The following POC1A variants were observed in gnomAD, a reference collection of about 807,000 sequenced individuals.
The protein encoded by POC1A is POC1 centriolar protein homolog A.
Under a neutral mutation model 47.8 loss-of-function variants are expected in POC1A, and 34 were observed. That is an observed-to-expected ratio of 0.71 (90% CI 0.54 to 0.95). The LOEUF is 0.95. POC1A is among the 40% of genes least tolerant of loss of function. The probability of loss-of-function intolerance (pLI) is 0.00; values close to 1 mark genes in which losing one functional copy is unlikely to be tolerated. For missense variants in POC1A, 466 were observed against 528.3 expected, an observed-to-expected ratio of 0.88 and a Z score of 1.16; for synonymous variants, 177 against 207.6, an observed-to-expected ratio of 0.85 and a Z score of 1.27.
At chr3:52,118,858 C>T (rs536436398) in intron 9 of POC1A, among the ~76,000 whole-genome samples, 2 of 152,306 alleles carry the variant, frequency 1.3e-5, no homozygotes, top group African/African-American at 4.8e-5. Flanking sequence ...TGCCCATGAG[C>T]TCTTTGAGAA....
chr3:52,105,551 C>T (rs570128317), intron 9 of POC1A, among the ~76,000 whole-genome samples: 2 of 152,180 alleles, frequency 1.3e-5, no homozygotes, highest in African/African-American at 4.8e-5. Flanking sequence ...AGGAAAGGCA[C>T]GGGCGTTTTC....
chr3:52,144,578 C>G (rs376941328), intron 6 of POC1A, among the ~76,000 whole-genome samples: 1 of 152,186 alleles, frequency 6.6e-6, no homozygotes, highest in South Asian at 2.1e-4. Context: ...CTCCTTCCCC[C>G]CATTTTGTGC....
intron 6 of POC1A, among the ~76,000 whole-genome samples, chr3:52,142,385 G>T (rs1473046722): frequency 6.6e-6 from 1 of 152,226 alleles, no homozygotes; most frequent in Non-Finnish European, 1.5e-5. Flanking sequence ...TGCAGTGATA[G>T]GCCAGAGCCA....
chr3:52,136,910 G>A (rs7652984), intron 7 of POC1A, among the ~76,000 whole-genome samples: 1,997 of 152,338 alleles, frequency 0.013, 38 homozygotes, highest in African/African-American at 0.042. Context: ...ATAGGCATCT[G>A]TTTCAAACTG....
At position 52,079,720 on chromosome 3, in the gene POC1A, G is replaced by A. The variant is rs903414498; in HGVS notation, c.1126-3735C>T. 6.6e-6 allele frequency among the ~76,000 whole-genome samples: 1 copy of A among 152,228 alleles called. No individual in the cohort carries two copies. Among genetic ancestry groups the A allele is most frequent in the Non-Finnish European group, 1.5e-5 (1 of 68,044 alleles). On this transcript the variant is annotated intron_variant, in intron 10 of 10. Coordinates refer to ENST00000296484, the MANE Select transcript of POC1A (RefSeq NM_015426.5). The surrounding 1 kb of genome is among the most constrained non-coding windows in gnomAD (Gnocchi z 4.6). ...CTTTGGGGCAGGGTAAAGGGAAACTGACGAAGGGGTTGAGGAGTCCAGGGC... is the reference window on the plus strand; with the variant it reads ...CTTTGGGGCAGGGTAAAGGGAAACTAACGAAGGGGTTGAGGAGTCCAGGGC...
chr3:52,122,103 C>T (rs982520290), intron 9 of POC1A, among the ~76,000 whole-genome samples: 2 of 152,208 alleles, frequency 1.3e-5, no homozygotes, highest in Non-Finnish European at 2.9e-5. Context: ...CAAACAGCAC[C>T]ATATGCCATG....
intron 7 of POC1A, among the ~76,000 whole-genome samples, chr3:52,126,402 G>A (rs905976263): frequency 5.3e-5 from 8 of 152,220 alleles, no homozygotes; most frequent in African/African-American, 1.7e-4. Flanking sequence ...GGACAGCAGG[G>A]AGTATGCCCA....
Position 52,149,959 on chromosome 3 carries a change from CA to C in POC1A, c.131del (p.Met44ArgfsTer5). 2 of 1,613,640 alleles carry C rather than the reference CA, an allele frequency of 1.2e-6. No individual in the cohort carries two copies. Among genetic ancestry groups the C allele is most frequent in the African/African-American group, 2.7e-5 (2 of 75,042 alleles). On this transcript the variant is annotated frameshift_variant, in exon 3 of 11. Transcript: ENST00000296484. LOFTEE classifies it high-confidence loss of function. Reference sequence around the variant, plus strand: ...GTGACTGCGGCTTCATGTGCCAGACCATGAGGCATGAGTCCATGGAGCCACT... The same window carrying C: ...GTGACTGCGGCTTCATGTGCCAGACCTGAGGCATGAGTCCATGGAGCCACT... ...LASGSMDSCL[M>X]VWHMKPQSRA...
intron 9 of POC1A, among the ~76,000 whole-genome samples, chr3:52,096,988 G>A (rs1702839408): frequency 6.6e-6 from 1 of 152,242 alleles, no homozygotes. Flanking sequence ...AGGCAGGCCA[G>A]TGAGTGGCCT....
At chr3:52,078,503 C>CT (rs531817608) in intron 10 of POC1A, among the ~76,000 whole-genome samples, 1,317 of 113,476 alleles carry the variant, frequency 0.012, 22 homozygotes, top group African/African-American at 0.026. Flanking sequence ...ATGGAAATCT[C>CT]TTTTTTTTTT....
chr3:52,090,625 T>C lies in POC1A; in HGVS notation c.1125+5944A>G, dbSNP rs1180299092. Among the ~76,000 whole-genome samples the C allele has an allele frequency of 6.6e-6, 1 of 152,106 alleles. No individual in the cohort carries two copies. Among genetic ancestry groups the C allele is most frequent in the Non-Finnish European group, 1.5e-5 (1 of 67,982 alleles). On this transcript the variant is annotated intron_variant, in intron 10 of 10. Transcript: ENST00000296484. The surrounding 1 kb of genome is among the most constrained non-coding windows in gnomAD (Gnocchi z 4.2). Reference sequence around the variant, plus strand: ...AGGTGAGCTCATGTAGCAGTGGCTATTTGTGGAAACAGCCTCTCTCCCTGC... The same window carrying C: ...AGGTGAGCTCATGTAGCAGTGGCTACTTGTGGAAACAGCCTCTCTCCCTGC...
Position 52,149,280 on chromosome 3 carries a change from CTT to C in POC1A, c.383_384del (p.Lys128SerfsTer37), listed in dbSNP as rs761386217. 6.2e-7 allele frequency: 1 copy of C among 1,614,188 alleles called. No individual in the cohort carries two copies. Among genetic ancestry groups the C allele is most frequent in the South Asian group, 1.1e-5 (1 of 91,086 alleles). ...FVTASDDKTV[K>X]VWATHRQKFL... ...AATTTCTGGCGATGAGTTGCCCACA[CTT>C]TGACTGTCTTGTCGTCAGAGGCTGT... On this transcript the variant is annotated frameshift_variant, in exon 4 of 11. Coordinates refer to ENST00000296484, the MANE Select transcript of POC1A (RefSeq NM_015426.5). LOFTEE classifies it high-confidence loss of function.
At position 52,084,791 on chromosome 3, in the gene POC1A, T is replaced by G. The variant is rs1413296114; in HGVS notation, c.1126-8806A>C. The stretch of plus-strand genomic sequence containing the variant: ...TGGTGGTACCTGGGGCCCTCCTTGG[T>G]GAGTGGTACTGGTTCTTATGGGAGC... On this transcript the variant is annotated intron_variant, in intron 10 of 10. Coordinates refer to ENST00000296484, the MANE Select transcript of POC1A (RefSeq NM_015426.5). The surrounding 1 kb of genome is among the most constrained non-coding windows in gnomAD (Gnocchi z 4.3). 6.6e-6 allele frequency among the ~76,000 whole-genome samples: 1 copy of G among 152,160 alleles called. No homozygotes were observed. Among genetic ancestry groups the G allele is most frequent in the Admixed American group, 6.5e-5 (1 of 15,286 alleles).
At chr3:52,123,811 C>A (rs1703892224) in intron 8 of POC1A, among the ~76,000 whole-genome samples, 1 of 152,236 alleles carries the variant, frequency 6.6e-6, no homozygotes, top group African/African-American at 2.4e-5. Context: ...TTCCACCAGG[C>A]TGCCTCTCCT....
At chr3:52,125,065 A>G (rs1276853471) in intron 8 of POC1A, 48 bp downstream of exon 8, 1 of 1,389,664 alleles carries the variant, frequency 7.2e-7, no homozygotes. Flanking sequence ...AGCAGAAATC[A>G]GCTCAGATTC....
chr3:52,131,851 A>G (rs1704225635), intron 7 of POC1A, among the ~76,000 whole-genome samples: 1 of 152,028 alleles, frequency 6.6e-6, no homozygotes, highest in South Asian at 2.1e-4. Context: ...AGGAGAGGAA[A>G]CGCGCGCCTC....
intron 9 of POC1A, among the ~76,000 whole-genome samples, chr3:52,110,771 C>T (rs1410210099): frequency 6.6e-6 from 1 of 152,220 alleles, no homozygotes; most frequent in African/African-American, 2.4e-5. Flanking sequence ...CCATGTGTGC[C>T]TTGTAGGAAA....
rs531117281 is a variant in POC1A, at chr3:52,120,613, C to T, written c.981+1766G>A. Among the ~76,000 whole-genome samples, 17 of 152,338 alleles carry T rather than the reference C, an allele frequency of 1.1e-4. 1 individual carries two copies. In the South Asian group the frequency reaches 3.5e-3, roughly 32 times the overall value. On this transcript the variant is annotated intron_variant, in intron 9 of 10. Transcript: ENST00000296484. ...TGGGGCCACACATCCAGGGTTCAAACCCAGTTCTCTGACCCCAGGACCCAC... is the reference window on the plus strand; with the variant it reads ...TGGGGCCACACATCCAGGGTTCAAATCCAGTTCTCTGACCCCAGGACCCAC...
chr3:52,116,611 C>T (rs1384879187), intron 9 of POC1A, among the ~76,000 whole-genome samples: 3 of 152,186 alleles, frequency 2.0e-5, no homozygotes, highest in Non-Finnish European at 2.9e-5. Context: ...GCCCTCACTA[C>T]GATGACCTGC....
Sources: allele counts gnomAD v4.1 joint callset (sites outside exome capture counted in the v4.1 genomes callset), GRCh38; gene constraint gnomAD v4.1.1; non-coding constraint Gnocchi (gnomAD v3.1); transcripts MANE v1.5; gene names NCBI Gene and HGNC (gene_info 2026-07-23, HGNC 2026-07-21).